The following LRP1B variants were observed in gnomAD, a reference collection of about 807,000 sequenced individuals.
The protein encoded by LRP1B is LDL receptor related protein 1B, also known as low-density lipoprotein receptor-related protein 1B.
A neutral mutation model predicts 556.6 loss-of-function variants in LRP1B; 217 were observed. The observed-to-expected ratio is 0.39, with a 90% CI of 0.35 to 0.44. The LOEUF (loss-of-function observed/expected upper bound fraction) is 0.44, where lower values mean the gene tolerates loss of function less well. Among genes scored for constraint, LRP1B ranks in the 20% least tolerant of loss-of-function variants. The pLI is 1.00. For synonymous variants in LRP1B, 2,047 were observed against 1,865.8 expected, an observed-to-expected ratio of 1.10 and a Z score of -2.50; for missense variants, 5,053 against 5,620.8, an observed-to-expected ratio of 0.90 and a Z score of 3.23.
rs867394004 is a variant in LRP1B at position 141,016,016 on chromosome 2, A to G, written c.1971-101T>C. On this transcript the variant is annotated intron_variant, in intron 12 of 90. Transcript: ENST00000389484. Reference sequence around the variant, plus strand: ...TGGCAGTTCCATAAATTCTAGTTTCATTCTGATTTGTCCTCCTATCTAAGT... The same window carrying G: ...TGGCAGTTCCATAAATTCTAGTTTCGTTCTGATTTGTCCTCCTATCTAAGT... The G allele has an allele frequency of 1.5e-5, 13 of 862,972 alleles. No homozygotes were observed. In the Middle Eastern group the frequency reaches 2.8e-3, roughly 183 times the overall value. 53.5% of individuals were successfully genotyped at this position (862,972 alleles called of 1,614,324 possible).
intron 1 of LRP1B, among the ~76,000 whole-genome samples, chr2:142,126,788 A>G (rs1295441184): frequency 6.6e-6 from 1 of 151,864 alleles, no homozygotes; most frequent in Non-Finnish European, 1.5e-5. Flanking sequence ...GGATCCATAT[A>G]TAGAATGGAG....
chr2:140,530,660 C>T (rs1412846890), intron 47 of LRP1B, among the ~76,000 whole-genome samples: 2 of 152,170 alleles, frequency 1.3e-5, no homozygotes, highest in Non-Finnish European at 2.9e-5. Context: ...ATTAAATTCA[C>T]TAATTTCTAT....
chr2:140,590,556 TTCTCTC>T (rs56276353), intron 43 of LRP1B, among the ~76,000 whole-genome samples: 7 of 147,328 alleles, frequency 4.8e-5, no homozygotes, highest in African/African-American at 1.0e-4. Context: ...CTAGATCTCT[TTCTCTC>T]TCTCTCTCTC....
chr2:142,053,131 TG>T (rs895960506), intron 1 of LRP1B, among the ~76,000 whole-genome samples: 1 of 152,182 alleles, frequency 6.6e-6, no homozygotes. Context: ...AGTGTTATGT[TG>T]GTTGCAATCT....
At chr2:141,753,263 C>CCAT (rs533996017) in intron 2 of LRP1B, among the ~76,000 whole-genome samples, 1,573 of 62,640 alleles carry the variant, frequency 0.025, 152 homozygotes, top group Admixed American at 0.16. Flanking sequence ...TCTCTCTCTC[C>CCAT]ATATATATAT....
intron 86 of LRP1B, among the ~76,000 whole-genome samples, chr2:140,262,144 C>A (rs78768846): frequency 1.3e-5 from 2 of 151,856 alleles, no homozygotes; most frequent in Non-Finnish European, 2.9e-5. Flanking sequence ...GACTACAATG[C>A]CGAAACTTTA....
At chr2:141,796,123 C>T (rs1240556103) in intron 2 of LRP1B, among the ~76,000 whole-genome samples, 2 of 151,562 alleles carry the variant, frequency 1.3e-5, no homozygotes, top group African/African-American at 4.8e-5. Context: ...TGAGGAATAA[C>T]AAATTCTCTC....
intron 1 of LRP1B, among the ~76,000 whole-genome samples, chr2:142,073,995 A>G (rs13396189): frequency 0.023 from 3,503 of 151,960 alleles, 55 homozygotes; most frequent in African/African-American, 0.039. Context: ...TTTATTTTTA[A>G]TTTTCCAGTC....
chr2:140,539,977 T>C (rs1438018358), intron 45 of LRP1B, among the ~76,000 whole-genome samples: 2 of 152,124 alleles, frequency 1.3e-5, no homozygotes, highest in African/African-American at 4.8e-5. Context: ...TGAGAAAATA[T>C]GTCTATGTTA....
intron 11 of LRP1B, among the ~76,000 whole-genome samples, chr2:141,044,306 C>A (rs888435856): frequency 6.6e-6 from 1 of 151,634 alleles, no homozygotes; most frequent in Admixed American, 6.6e-5. Flanking sequence ...AGACCTAAAA[C>A]CATAAAAACC....
At chr2:142,105,380 T>G (rs753077460) in intron 1 of LRP1B, among the ~76,000 whole-genome samples, 10 of 152,178 alleles carry the variant, frequency 6.6e-5, no homozygotes, top group Non-Finnish European at 1.5e-4. Flanking sequence ...TTAACAACAA[T>G]GATGTGTCAT....
chr2:141,475,686 A>T (rs1275471562), intron 3 of LRP1B, among the ~76,000 whole-genome samples: 1 of 152,144 alleles, frequency 6.6e-6, no homozygotes, highest in African/African-American at 2.4e-5. Context: ...GCAGAAAAGC[A>T]GCAGAGCAAC....
chr2:140,477,831 A>C (rs530414177), intron 59 of LRP1B, among the ~76,000 whole-genome samples: 1 of 152,228 alleles, frequency 6.6e-6, no homozygotes, highest in South Asian at 2.1e-4. Context: ...CCCTCGAATG[A>C]AAACCCTTTC....
At chr2:141,519,157 T>G (rs1473460263) in intron 2 of LRP1B, among the ~76,000 whole-genome samples, 1 of 151,890 alleles carries the variant, frequency 6.6e-6, no homozygotes, top group Non-Finnish European at 1.5e-5. Flanking sequence ...CAAGACTATT[T>G]CTTTTACATT....
intron 1 of LRP1B, among the ~76,000 whole-genome samples, chr2:141,944,886 C>T (rs1700909389): frequency 2.0e-5 from 3 of 152,030 alleles, no homozygotes; most frequent in Non-Finnish European, 1.5e-5. Context: ...TTAACTTATC[C>T]CTATTTGCTT....
At chr2:142,114,758 G>C (rs1443363671) in intron 1 of LRP1B, among the ~76,000 whole-genome samples, 1 of 152,076 alleles carries the variant, frequency 6.6e-6, no homozygotes, top group East Asian at 1.9e-4. Context: ...GGAAAGGTGT[G>C]CTAGGGTGGG....
Position 141,997,203 on chromosome 2 carries a change from A to G in LRP1B, c.82+133445T>C, listed in dbSNP as rs559265514. Reference sequence around the variant, plus strand: ...GTAGCTAAGATTTTGCACTTTTTTCACCACAACAGCCTGGGTTTAATTTCT... The same window carrying G: ...GTAGCTAAGATTTTGCACTTTTTTCGCCACAACAGCCTGGGTTTAATTTCT... On this transcript the variant is annotated intron_variant, in intron 1 of 90. Transcript: ENST00000389484. Among the ~76,000 whole-genome samples, 5 of 151,706 alleles carry G rather than the reference A, an allele frequency of 3.3e-5. No homozygotes were observed. In the East Asian group the frequency reaches 5.9e-4, roughly 18 times the overall value.
At chr2:140,609,031 T>A (rs1225903751) in intron 41 of LRP1B, among the ~76,000 whole-genome samples, 3 of 152,158 alleles carry the variant, frequency 2.0e-5, no homozygotes, top group Non-Finnish European at 4.4e-5. Flanking sequence ...TGAACATATA[T>A]GTGATATCAT....
intron 41 of LRP1B, among the ~76,000 whole-genome samples, chr2:140,641,234 A>G (rs1684282369): frequency 6.6e-6 from 1 of 152,240 alleles, no homozygotes; most frequent in Non-Finnish European, 1.5e-5. Context: ...GATAGTATAA[A>G]GGGAAATTAG....
Sources: gnomAD v4.1 joint callset for allele counts (sites outside exome capture counted in the v4.1 genomes callset) on GRCh38, gnomAD v4.1.1 for gene constraint, MANE v1.5 for transcripts, NCBI Gene and HGNC (gene_info 2026-07-23, HGNC 2026-07-21) for gene names.